CDC16: variants seen among roughly 807,000 people sequenced by gnomAD.
The protein encoded by CDC16 is cell division cycle protein 16 homolog.
Under a neutral mutation model 87.0 loss-of-function variants are expected in CDC16, and 34 were observed. The observed-to-expected ratio is 0.39, with a 90% CI of 0.30 to 0.52. The LOEUF is 0.52. Ranked by LOEUF, CDC16 falls within the 20% of genes least tolerant of loss-of-function variation. The pLI is 0.74. For synonymous variants in CDC16, 263 were observed against 260.6 expected, an observed-to-expected ratio of 1.01 and a Z score of -0.09; for missense variants, 653 against 751.9, an observed-to-expected ratio of 0.87 and a Z score of 1.54.
intron 8 of CDC16, 24 bp from the exon 9 acceptor site, chr13:114,244,866 G>C (rs368695341): frequency 1.3e-6 from 2 of 1,551,422 alleles, no homozygotes; most frequent in African/African-American, 2.7e-5. Context: ...TTTGGGGGTA[G>C]TAATGTGTCG....
At chr13:114,265,090 G>A in intron 16 of CDC16, 60 bp from the exon 17 acceptor site, 1 of 1,190,100 alleles carries the variant, frequency 8.4e-7, no homozygotes, top group African/African-American at 1.5e-5. Context: ...AAATGAATCA[G>A]TGTGGTAAGA....
intron 17 of CDC16, among the ~76,000 whole-genome samples, chr13:114,267,660 C>T (rs1359608764): frequency 6.6e-6 from 1 of 151,932 alleles, no homozygotes; most frequent in Non-Finnish European, 1.5e-5. Flanking sequence ...TTCTTTAAAG[C>T]AGTCACTAAA....
At chr13:114,265,807 C>T (rs1320436785) in intron 17 of CDC16, among the ~76,000 whole-genome samples, 2 of 145,228 alleles carry the variant, frequency 1.4e-5, no homozygotes, top group Non-Finnish European at 3.0e-5. Flanking sequence ...ACTCCCGTTC[C>T]TACTAAAGTA....
chr13:114,250,506 AAG>A (rs1491334189), intron 11 of CDC16, 41 bp from the exon 12 acceptor site: 11 of 1,545,818 alleles, frequency 7.1e-6, no homozygotes, highest in Admixed American at 6.0e-5. Flanking sequence ...AAAAAAAAAA[AAG>A]AATAAATACT....
intron 5 of CDC16, among the ~76,000 whole-genome samples, chr13:114,240,807 C>T (rs537073895): frequency 1.8e-3 from 279 of 151,674 alleles, no homozygotes; most frequent in Non-Finnish European, 2.6e-3. Context: ...GAAGCAGATT[C>T]TTCTGTTAAG....
At chr13:114,259,013 C>G (rs2082675493) in intron 13 of CDC16, among the ~76,000 whole-genome samples, 1 of 150,174 alleles carries the variant, frequency 6.7e-6, no homozygotes, top group African/African-American at 2.5e-5. Flanking sequence ...GCACAAGAAT[C>G]ACTTAAACCC....
intron 16 of CDC16, among the ~76,000 whole-genome samples, chr13:114,263,532 T>TA (rs1178395318): frequency 3.3e-5 from 5 of 152,260 alleles, no homozygotes; most frequent in Non-Finnish European, 7.3e-5. Context: ...TTTTTGTACT[T>TA]AGAGAAAATA....
At chr13:114,257,512 C>A (rs1370191862) in intron 13 of CDC16, among the ~76,000 whole-genome samples, 3 of 152,148 alleles carry the variant, frequency 2.0e-5, no homozygotes, top group Non-Finnish European at 4.4e-5. Context: ...TGGCTGGGGG[C>A]ACTGTGGAAT....
Position 114,271,130 on chromosome 13 carries a change from C to G in CDC16, c.1604-1054C>G, listed in dbSNP as rs991258375. Among the ~76,000 whole-genome samples, 3 of 151,866 alleles carry G rather than the reference C, an allele frequency of 2.0e-5. No homozygotes were observed. The East Asian group carries it at 5.8e-4, about 30-fold the overall frequency. ...TAGAGACGGGGTTTCACCACATTAG[C>G]CAGGATGGTCTCGATCTCCTGACCT... On this transcript the variant is annotated intron_variant, in intron 17 of 17. Transcript: ENST00000356221.
chr13:114,253,516 C>A (rs1489994450), intron 12 of CDC16, among the ~76,000 whole-genome samples: 1 of 151,774 alleles, frequency 6.6e-6, no homozygotes, highest in African/African-American at 2.4e-5. Context: ...ATGGTGAAAC[C>A]CCATCTCTAC....
chr13:114,237,499 C>G (rs535854944), intron 3 of CDC16, among the ~76,000 whole-genome samples: 1 of 152,194 alleles, frequency 6.6e-6, no homozygotes, highest in South Asian at 2.1e-4. Context: ...ACTATGTTGC[C>G]CAGGCTAGTC....
intron 11 of CDC16, among the ~76,000 whole-genome samples, chr13:114,248,957 G>A (rs1319480039): frequency 6.6e-6 from 1 of 151,946 alleles, no homozygotes; most frequent in Non-Finnish European, 1.5e-5. Flanking sequence ...CCATTTTGTA[G>A]AAGCCCCCCC....
intron 3 of CDC16, among the ~76,000 whole-genome samples, chr13:114,237,926 C>T (rs1025518657): frequency 6.6e-6 from 1 of 152,222 alleles, no homozygotes; most frequent in African/African-American, 2.4e-5. Context: ...TCAGTGACTT[C>T]CCATTAGCTG....
chr13:114,256,719 A>G lies in CDC16; in HGVS notation c.1098-359A>G, dbSNP rs906115239. Among the ~76,000 whole-genome samples the G allele has an allele frequency of 2.0e-5, 3 of 152,308 alleles. No individual in the cohort carries two copies. The East Asian group carries it at 5.8e-4, about 29-fold the overall frequency. On this transcript the variant is annotated intron_variant, in intron 12 of 17. Coordinates refer to ENST00000356221, the MANE Select transcript of CDC16 (RefSeq NM_001078645.3). ...AAGTTGAACCCAATCTTGAAGGATAAATGGTGGTGAGTAAATAAGAGGAAG... is the reference window on the plus strand; with the variant it reads ...AAGTTGAACCCAATCTTGAAGGATAGATGGTGGTGAGTAAATAAGAGGAAG...
chr13:114,263,284 G>A (rs1388135622), intron 16 of CDC16, among the ~76,000 whole-genome samples: 2 of 152,192 alleles, frequency 1.3e-5, no homozygotes, highest in African/African-American at 2.4e-5. Flanking sequence ...TGAGCACGGG[G>A]TTATCTGTCC....
At chr13:114,264,569 G>C (rs1215321239) in intron 16 of CDC16, among the ~76,000 whole-genome samples, 1 of 151,484 alleles carries the variant, frequency 6.6e-6, no homozygotes, top group Non-Finnish European at 1.5e-5. Flanking sequence ...AAAAAAAAAG[G>C]AAAAAAATAC....
At chr13:114,242,839 A>G (rs895776757) in intron 6 of CDC16, among the ~76,000 whole-genome samples, 1 of 152,140 alleles carries the variant, frequency 6.6e-6, no homozygotes, top group Non-Finnish European at 1.5e-5. Context: ...ACAGTTGGCA[A>G]TGTCTGGAGA....
chr13:114,243,498 C>CAAAA (rs35430682), intron 7 of CDC16, 150 bp downstream of exon 7: 15 of 382,580 alleles, frequency 3.9e-5, no homozygotes, highest in Non-Finnish European at 5.7e-5. Flanking sequence ...CATAAGATTC[C>CAAAA]AAAAAAAAAA....
intron 12 of CDC16, among the ~76,000 whole-genome samples, chr13:114,255,589 AT>A (rs1320350161): frequency 2.6e-5 from 4 of 151,780 alleles, no homozygotes; most frequent in Non-Finnish European, 5.9e-5. Context: ...AAATTCCAAA[AT>A]TAAAAAAAAA....
Sources: allele counts gnomAD v4.1 joint callset (sites outside exome capture counted in the v4.1 genomes callset), GRCh38; gene constraint gnomAD v4.1.1; transcripts MANE v1.5; gene names NCBI Gene and HGNC (gene_info 2026-07-23, HGNC 2026-07-21).